Variants in ESRRB observed in about 807,000 individuals in gnomAD.
The protein encoded by ESRRB is steroid hormone receptor ERR2.
ESRRB carries 16 observed loss-of-function variants against 46.0 expected under a neutral mutation model. That is an observed-to-expected ratio of 0.35 (90% CI 0.24 to 0.53). ESRRB has a LOEUF of 0.53. ESRRB is among the 20% of genes least tolerant of loss of function. The pLI is 0.93. For synonymous variants in ESRRB, 246 were observed against 259.6 expected (o/e 0.95, Z 0.50); for missense variants, 488 against 607.4 (o/e 0.80, Z 2.07).
chr14:76,407,620 G>T, intron 1 of ESRRB: 1 of 984,930 alleles, frequency 1.0e-6, no homozygotes, highest in Middle Eastern at 5.2e-4. Flanking sequence ...AGTCGGGCCA[G>T]CAGGGCCACA....
chr14:76,314,686 G>T (rs960861513), intron 1 of ESRRB, among the ~76,000 whole-genome samples: 1 of 152,208 alleles, frequency 6.6e-6, no homozygotes, highest in East Asian at 1.9e-4. Flanking sequence ...CCAGGTAAAG[G>T]CAGGTGAAGA....
chr14:76,378,637 G>A (rs1160385259), intron 1 of ESRRB, among the ~76,000 whole-genome samples: 1 of 152,186 alleles, frequency 6.6e-6, no homozygotes, highest in Non-Finnish European at 1.5e-5. Context: ...AGCAGCCCAG[G>A]CATTGATGAG....
intron 1 of ESRRB, among the ~76,000 whole-genome samples, chr14:76,334,907 C>T (rs556322772): frequency 2.0e-5 from 3 of 152,206 alleles, no homozygotes; most frequent in African/African-American, 7.2e-5. Flanking sequence ...CAGGGAGCCA[C>T]GTGGTGATGG....
intron 1 of ESRRB, among the ~76,000 whole-genome samples, chr14:76,401,000 C>A (rs1290793608): frequency 1.3e-5 from 2 of 152,172 alleles, no homozygotes; most frequent in South Asian, 4.1e-4. Flanking sequence ...TTGCCAGACA[C>A]ATGTGTGAGA....
upstream of ESRRB, among the ~76,000 whole-genome samples, chr14:76,368,482 G>C (rs1884553119): frequency 6.6e-6 from 1 of 152,114 alleles, no homozygotes; most frequent in South Asian, 2.1e-4. Flanking sequence ...CTGCATCACT[G>C]CTCTCCAACC....
rs376119931 is a variant in ESRRB at position 76,501,678 on chromosome 14, T to C, written c.*3220T>C. On this transcript the variant is annotated 3_prime_UTR_variant, in exon 7 of 7. Coordinates refer to ENST00000644823, the MANE Select transcript of ESRRB (RefSeq NM_001379180.1). ...GGCTGGAATGGCTTCTTAAGATGTA[T>C]ATATTTTTTAAAATGGCAGTTCCCC... 8.5e-5 allele frequency: 13 copies of C among 152,336 alleles called. No individual in the cohort carries two copies. In the South Asian group the frequency reaches 1.0e-3, roughly 12 times the overall value. 9.4% of individuals were successfully genotyped at this position (152,336 alleles called of 1,614,324 possible). A position where few individuals can be genotyped will look rare whatever the true frequency, so the allele number is the denominator to read the frequency against.
chr14:76,481,962 T>C, intron 3 of ESRRB, 54 bp from the exon 4 acceptor site: 1 of 1,533,868 alleles, frequency 6.5e-7, no homozygotes, highest in East Asian at 2.3e-5. Flanking sequence ...TCAGTGCTTC[T>C]ACCCTGGTGA....
chr14:76,456,318 G>A (rs540332531), intron 2 of ESRRB, among the ~76,000 whole-genome samples: 3 of 152,248 alleles, frequency 2.0e-5, no homozygotes, highest in East Asian at 1.9e-4. Flanking sequence ...TTGGGATGAC[G>A]CATAGACAGG....
At chr14:76,349,790 G>A (rs1249410757) in intron 1 of ESRRB, among the ~76,000 whole-genome samples, 1 of 152,126 alleles carries the variant, frequency 6.6e-6, no homozygotes. Flanking sequence ...GCTCATTAAA[G>A]ATTTGTTTAG....
chr14:76,339,218 A>G (rs1884162142), intron 1 of ESRRB, among the ~76,000 whole-genome samples: 1 of 152,124 alleles, frequency 6.6e-6, no homozygotes, highest in Non-Finnish European at 1.5e-5. Flanking sequence ...GTGTGGCATC[A>G]CGGAAATCAG....
chr14:76,460,289 C>A (rs191270096), intron 2 of ESRRB, among the ~76,000 whole-genome samples: 1 of 152,340 alleles, frequency 6.6e-6, no homozygotes, highest in African/African-American at 2.4e-5. Context: ...ATTTCCCCAT[C>A]CTCCTTGTGA....
At chr14:76,331,707 G>T (rs182413471) in intron 1 of ESRRB, among the ~76,000 whole-genome samples, 7 of 151,898 alleles carry the variant, frequency 4.6e-5, no homozygotes, top group Admixed American at 4.6e-4. Context: ...CACCCTGGCA[G>T]CAGTGACCAG....
intron 1 of ESRRB, among the ~76,000 whole-genome samples, chr14:76,354,559 ACT>A (rs1884355555): frequency 6.6e-6 from 1 of 150,982 alleles, no homozygotes. Context: ...AATGGGAGAC[ACT>A]CTTACCACAG....
chr14:76,476,069 G>GTT (rs79346463), intron 3 of ESRRB, among the ~76,000 whole-genome samples: 1 of 146,566 alleles, frequency 6.8e-6, no homozygotes, highest in Non-Finnish European at 1.5e-5. Context: ...AGTGAAGTGG[G>GTT]TTTTTTTTTT....
At chr14:76,432,100 C>T (rs1305344009) in intron 1 of ESRRB, among the ~76,000 whole-genome samples, 2 of 152,232 alleles carry the variant, frequency 1.3e-5, no homozygotes, top group Non-Finnish European at 2.9e-5. Context: ...ACTCCCTTGT[C>T]CACCCTCTTC....
chr14:76,468,416 C>T (rs1889218467), intron 3 of ESRRB, among the ~76,000 whole-genome samples: 2 of 132,820 alleles, frequency 1.5e-5, no homozygotes, highest in African/African-American at 5.6e-5. Context: ...CACCACCCCC[C>T]AAACACGCAC....
chr14:76,354,706 CTT>C (rs59146659), intron 1 of ESRRB, among the ~76,000 whole-genome samples: 135 of 111,418 alleles, frequency 1.2e-3, no homozygotes, highest in Middle Eastern at 5.3e-3. Flanking sequence ...AGGTCCTGGG[CTT>C]TTTTTTTTTT....
rs1373609845 is a variant in ESRRB, at chr14:76,483,428, G to C, written c.850+669G>C. On this transcript the variant is annotated intron_variant, in intron 5 of 6. Coordinates refer to ENST00000644823, the MANE Select transcript of ESRRB (RefSeq NM_001379180.1). ...GATCTCTAAGGGAGGCCTGTCTCTG[G>C]ATTGGCTTCTGAGATTTTAAGGGCC... Among the ~76,000 whole-genome samples, 6 of 152,224 alleles carry C rather than the reference G, an allele frequency of 3.9e-5. No homozygotes were observed. The East Asian group carries it at 1.2e-3, about 29-fold the overall frequency.
intron 3 of ESRRB, among the ~76,000 whole-genome samples, chr14:76,474,202 G>T (rs1165891359): frequency 6.6e-6 from 1 of 152,168 alleles, no homozygotes; most frequent in Non-Finnish European, 1.5e-5. Flanking sequence ...ACAACTGTGG[G>T]GATGTGTTTC....
Sources: gnomAD v4.1 joint callset for allele counts (sites outside exome capture counted in the v4.1 genomes callset) on GRCh38, gnomAD v4.1.1 for gene constraint, MANE v1.5 for transcripts, NCBI Gene and HGNC (gene_info 2026-07-23, HGNC 2026-07-21) for gene names.